DENND1B: variants seen among roughly 807,000 people sequenced by gnomAD.
DENND1B encodes the protein DENN domain-containing protein 1B.
A neutral mutation model predicts 90.1 loss-of-function variants in DENND1B; 59 were observed. The observed-to-expected ratio is 0.65, with a 90% CI of 0.53 to 0.81. DENND1B has a LOEUF of 0.81. Among genes scored for constraint, DENND1B ranks in the 40% least tolerant of loss-of-function variants. The pLI is 0.00. For missense variants in DENND1B, 862 were observed against 912.6 expected (o/e 0.94, Z 0.71); for synonymous variants, 337 against 324.6 (o/e 1.04, Z -0.41).
At chr1:197,656,752 A>C (rs1302987343) in intron 6 of DENND1B, among the ~76,000 whole-genome samples, 1 of 152,024 alleles carries the variant, frequency 6.6e-6, no homozygotes, top group Non-Finnish European at 1.5e-5. Flanking sequence ...GCAGTGAGTG[A>C]TGATTGTACC....
At chr1:197,617,526 C>G in intron 11 of DENND1B, 133 bp downstream of exon 11, 1 of 637,970 alleles carries the variant, frequency 1.6e-6, no homozygotes, top group Non-Finnish European at 2.8e-6. Flanking sequence ...TAAAAGCCAT[C>G]TTTACTATTT....
chr1:197,745,944 A>C (rs1258070947), intron 2 of DENND1B, among the ~76,000 whole-genome samples: 1 of 152,196 alleles, frequency 6.6e-6, no homozygotes, highest in Non-Finnish European at 1.5e-5. Flanking sequence ...CTTCCAATAA[A>C]AAAATTAGTA....
At chr1:197,526,921 G>GT (rs1042648591) in intron 20 of DENND1B, among the ~76,000 whole-genome samples, 6 of 152,092 alleles carry the variant, frequency 3.9e-5, no homozygotes, top group Admixed American at 3.9e-4. Context: ...AATTTTTTGT[G>GT]TAACTATCTT....
At chr1:197,529,288 A>ATATG (rs1669438490) in intron 20 of DENND1B, among the ~76,000 whole-genome samples, 1 of 146,400 alleles carries the variant, frequency 6.8e-6, no homozygotes, top group Non-Finnish European at 1.5e-5. Context: ...ATATGTATAT[A>ATATG]TATGTATATA....
intron 6 of DENND1B, among the ~76,000 whole-genome samples, chr1:197,654,661 A>T (rs1653618271): frequency 6.6e-6 from 1 of 152,078 alleles, no homozygotes; most frequent in African/African-American, 2.4e-5. Context: ...ATCAAACCAC[A>T]TTGCCAAAAG....
chr1:197,670,254 A>C (rs1655354137), intron 5 of DENND1B, among the ~76,000 whole-genome samples: 1 of 152,194 alleles, frequency 6.6e-6, no homozygotes, highest in Admixed American at 6.6e-5. Flanking sequence ...GTGAATGATT[A>C]ATAAGTTCAA....
In DENND1B at chr1:197,563,029, T is replaced by A. The variant is rs117091947; in HGVS notation, c.1150-9917A>T. ...TGAAGGGTGAGACATGTGAGAAAGCTGTAGGAGAAAATTATGAAGGTAGGA... is the reference window on the plus strand; with the variant it reads ...TGAAGGGTGAGACATGTGAGAAAGCAGTAGGAGAAAATTATGAAGGTAGGA... On this transcript the variant is annotated intron_variant, in intron 15 of 22. Coordinates refer to ENST00000620048, the MANE Select transcript of DENND1B (RefSeq NM_001195215.2). Among the ~76,000 whole-genome samples, 5 of 152,050 alleles carry A rather than the reference T, an allele frequency of 3.3e-5. No individual in the cohort carries two copies. In the East Asian group the frequency reaches 9.7e-4, roughly 30 times the overall value.
chr1:197,697,307 T>G (rs771384290), intron 3 of DENND1B, among the ~76,000 whole-genome samples: 29 of 151,636 alleles, frequency 1.9e-4, no homozygotes, highest in Non-Finnish European at 3.5e-4. Context: ...CAAACTCATG[T>G]CTATATTACC....
chr1:197,713,333 C>T (rs1660147975), intron 3 of DENND1B, among the ~76,000 whole-genome samples: 2 of 74,444 alleles, frequency 2.7e-5, no homozygotes, highest in African/African-American at 1.2e-4. Context: ...TGGAACCAAC[C>T]CAAATGTCCA....
At chr1:197,729,153 C>T (rs1661923298) in intron 2 of DENND1B, among the ~76,000 whole-genome samples, 1 of 152,106 alleles carries the variant, frequency 6.6e-6, no homozygotes, top group South Asian at 2.1e-4. Flanking sequence ...TATCCCACTT[C>T]CAGACAATAA....
intron 5 of DENND1B, among the ~76,000 whole-genome samples, chr1:197,671,520 G>A (rs145825103): frequency 2.6e-5 from 4 of 152,162 alleles, no homozygotes; most frequent in African/African-American, 9.6e-5. Context: ...CTTTTCAAAA[G>A]GAATTCGAAA....
At position 197,510,973 on chromosome 1, in the gene DENND1B, C is replaced by T; in HGVS notation, c.1816-1G>A. 6.7e-7 allele frequency: 1 copy of T among 1,481,798 alleles called. No homozygotes were observed. The highest frequency in any genetic ancestry group is 9.0e-7 in the Non-Finnish European group (1 of 1,115,288). 91.8% of individuals were successfully genotyped at this position (1,481,798 alleles called of 1,614,324 possible). A position where few individuals can be genotyped will look rare whatever the true frequency, so the allele number is the denominator to read the frequency against. The stretch of plus-strand genomic sequence containing the variant: ...TCTCACTAGGAGCATTAGATTTATT[C>T]TGAAAAAAAGAAGAAACAACAAACT... On this transcript the variant is annotated splice_acceptor_variant, in intron 22 of 22. Transcript: ENST00000620048. LOFTEE classifies it high-confidence loss of function.
intron 20 of DENND1B, among the ~76,000 whole-genome samples, chr1:197,530,357 C>T (rs771805891): frequency 1.3e-4 from 20 of 152,078 alleles, no homozygotes; most frequent in Non-Finnish European, 2.8e-4. Context: ...TAGCTGGAAA[C>T]TGGAAATGTA....
chr1:197,680,447 A>C (rs1046483580), intron 3 of DENND1B, among the ~76,000 whole-genome samples: 3 of 152,216 alleles, frequency 2.0e-5, no homozygotes, highest in Non-Finnish European at 4.4e-5. Flanking sequence ...AAGTAGACTT[A>C]AGATAAGTAG....
chr1:197,637,276 AG>A (rs1558337278), intron 10 of DENND1B, among the ~76,000 whole-genome samples: 1 of 152,192 alleles, frequency 6.6e-6, no homozygotes, highest in African/African-American at 2.4e-5. Context: ...AAATCATCCA[AG>A]GTCATTTCTG....
chr1:197,747,290 T>C (rs1652830826), intron 2 of DENND1B: 4 of 609,704 alleles, frequency 6.6e-6, no homozygotes, highest in South Asian at 4.8e-5. Flanking sequence ...GTTTCAGTTT[T>C]GGGTTCATCT....
chr1:197,625,479 C>A (rs1373048886), intron 10 of DENND1B, among the ~76,000 whole-genome samples: 1 of 152,050 alleles, frequency 6.6e-6, no homozygotes, highest in Non-Finnish European at 1.5e-5. Context: ...GATTTCGCCA[C>A]CACCAGGCCT....
chr1:197,666,884 G>A (rs937007058), intron 5 of DENND1B, among the ~76,000 whole-genome samples: 4 of 152,134 alleles, frequency 2.6e-5, no homozygotes, highest in African/African-American at 9.7e-5. Context: ...TAGGCTGGGG[G>A]CAGTGGCTCA....
chr1:197,556,158 C>G (rs765243836), intron 15 of DENND1B, among the ~76,000 whole-genome samples: 4 of 151,926 alleles, frequency 2.6e-5, no homozygotes, highest in Non-Finnish European at 4.4e-5. Context: ...ATTGGGTATA[C>G]AGGGACACAA....
Sources: allele counts gnomAD v4.1 joint callset (sites outside exome capture counted in the v4.1 genomes callset), GRCh38; gene constraint gnomAD v4.1.1; transcripts MANE v1.5; gene names NCBI Gene and HGNC (gene_info 2026-07-23, HGNC 2026-07-21).